NAALADL2: variants seen among roughly 807,000 people sequenced by gnomAD.
NAALADL2 encodes N-acetylated alpha-linked acidic dipeptidase like 2.
NAALADL2 carries 76 observed loss-of-function variants against 87.2 expected under a neutral mutation model. The observed-to-expected ratio is 0.87, with a 90% CI of 0.72 to 1.05. The LOEUF is 1.05. Among genes scored for constraint, NAALADL2 ranks in the 50% least tolerant of loss-of-function variants. The pLI, the probability that NAALADL2 is intolerant of heterozygous loss-of-function variation, is 0.00. For synonymous variants in NAALADL2, 354 were observed against 331.0 expected, an observed-to-expected ratio of 1.07 and a Z score of -0.75; for missense variants, 1,089 against 945.8, an observed-to-expected ratio of 1.15 and a Z score of -1.99.
chr3:175,471,829 G>A, intron 9 of NAALADL2, 71 bp downstream of exon 9: 1 of 1,300,498 alleles, frequency 7.7e-7, no homozygotes, highest in Middle Eastern at 1.8e-4. Context: ...GACATTTCTT[G>A]ATTTTTTCAT....
At chr3:175,663,288 G>A (rs1016481667) in intron 11 of NAALADL2, among the ~76,000 whole-genome samples, 1 of 151,556 alleles carries the variant, frequency 6.6e-6, no homozygotes, top group Non-Finnish European at 1.5e-5. Context: ...GATTTTATGT[G>A]TCCAGGAATT....
In NAALADL2 at chr3:174,860,467, G is replaced by A. The variant is rs144393992; in HGVS notation, c.43+1017G>A. On this transcript the variant is annotated intron_variant, in intron 1 of 13. Coordinates refer to ENST00000454872, the MANE Select transcript of NAALADL2 (RefSeq NM_207015.3). The stretch of plus-strand genomic sequence containing the variant: ...AGGTAAAAGGCTCATTTAGCATAAT[G>A]AGAATCATTTATTTCTATGTGTCTT... Among the ~76,000 whole-genome samples the A allele has an allele frequency of 2.0e-5, 3 of 152,016 alleles. No individual in the cohort carries two copies. In the East Asian group the frequency reaches 5.8e-4, roughly 29 times the overall value.
At chr3:175,737,273 T>C in intron 11 of NAALADL2, 33 bp from the exon 12 acceptor site, 2 of 1,218,950 alleles carry the variant, frequency 1.6e-6, no homozygotes, top group Non-Finnish European at 2.4e-6. Context: ...AATTACTGAA[T>C]GCTAGTATTT....
At chr3:175,557,405 A>G (rs1031335726) in intron 9 of NAALADL2, among the ~76,000 whole-genome samples, 2 of 152,192 alleles carry the variant, frequency 1.3e-5, no homozygotes, top group African/African-American at 4.8e-5. Flanking sequence ...ACACAATCCA[A>G]TTAAACTCTT....
chr3:174,847,783 T>A (rs1724797306), intron 3 of NAALADL2, among the ~76,000 whole-genome samples: 1 of 148,894 alleles, frequency 6.7e-6, no homozygotes, highest in African/African-American at 2.5e-5. Context: ...ATGCAATAAG[T>A]GCCCATCAGA....
chr3:174,877,369 A>G (rs1728639246), intron 1 of NAALADL2, among the ~76,000 whole-genome samples: 1 of 152,092 alleles, frequency 6.6e-6, no homozygotes, highest in Admixed American at 6.6e-5. Flanking sequence ...TCCTTCCGTT[A>G]TCTTTAATTG....
At chr3:174,706,638 T>G (rs1372233982) in intron 2 of NAALADL2, among the ~76,000 whole-genome samples, 3 of 152,216 alleles carry the variant, frequency 2.0e-5, no homozygotes, top group Non-Finnish European at 4.4e-5. Flanking sequence ...CTCTTTAGTT[T>G]AATTAGATCC....
At chr3:175,169,610 T>C (rs1734497115) in intron 2 of NAALADL2, among the ~76,000 whole-genome samples, 1 of 151,830 alleles carries the variant, frequency 6.6e-6, no homozygotes, top group South Asian at 2.1e-4. Flanking sequence ...TAGTTCTTTT[T>C]TTCCAATTCT....
intron 12 of NAALADL2, among the ~76,000 whole-genome samples, chr3:175,740,103 A>C (rs1745035780): frequency 6.6e-6 from 1 of 152,170 alleles, no homozygotes; most frequent in Non-Finnish European, 1.5e-5. Flanking sequence ...ATAGGAGGAG[A>C]CCAAGGAGGA....
intron 2 of NAALADL2, among the ~76,000 whole-genome samples, chr3:175,169,785 C>A (rs1397541102): frequency 6.6e-6 from 1 of 151,706 alleles, no homozygotes; most frequent in African/African-American, 2.4e-5. Flanking sequence ...GAGGGCTATT[C>A]TATTGATTTG....
intron 11 of NAALADL2, chr3:175,718,194 G>GTTTTTTTTTT: frequency 2.9e-6 from 3 of 1,034,870 alleles, no homozygotes; most frequent in Non-Finnish European, 4.0e-6. Flanking sequence ...AAGGGCCTGT[G>GTTTTTTTTTT]GTTTTTTTTT....
At chr3:174,748,330 T>TC (rs962893669) in intron 3 of NAALADL2, among the ~76,000 whole-genome samples, 8 of 135,194 alleles carry the variant, frequency 5.9e-5, no homozygotes, top group Admixed American at 1.5e-4. Context: ...AATTACATTT[T>TC]TTTTTTTTTT....
At chr3:174,682,092 C>G (rs1727598707) in intron 2 of NAALADL2, among the ~76,000 whole-genome samples, 1 of 152,154 alleles carries the variant, frequency 6.6e-6, no homozygotes, top group African/African-American at 2.4e-5. Context: ...GCCCACAGCT[C>G]TGGGAGAGAT....
At chr3:174,939,856 G>A (rs886149983) in intron 1 of NAALADL2, among the ~76,000 whole-genome samples, 10 of 151,970 alleles carry the variant, frequency 6.6e-5, no homozygotes, top group African/African-American at 1.9e-4. Flanking sequence ...CATTGATTTG[G>A]TATCTTAAAA....
At position 175,541,387 on chromosome 3, in the gene NAALADL2, TAGC is replaced by T. The variant is rs570490596; in HGVS notation, c.1654-34653_1654-34651del. On this transcript the variant is annotated intron_variant, in intron 9 of 13. Coordinates refer to ENST00000454872, the MANE Select transcript of NAALADL2 (RefSeq NM_207015.3). Reference sequence around the variant, plus strand: ...ACCTTTCAAACATCATAGCTTAACCTAGCCTACCTTAAAGGTGCTCAAAACACA... The same window carrying T: ...ACCTTTCAAACATCATAGCTTAACCTCTACCTTAAAGGTGCTCAAAACACA... 3.3e-5 allele frequency among the ~76,000 whole-genome samples: 5 copies of T among 152,338 alleles called. No individual in the cohort carries two copies. In the East Asian group the frequency reaches 9.6e-4, roughly 29 times the overall value.
At position 175,787,365 on chromosome 3, in the gene NAALADL2, C is replaced by T. The variant is rs1005748544; in HGVS notation, c.2190-15640C>T. Reference sequence around the variant, plus strand: ...ACTGCTGTGCTAGCAATCAGTGAGACTCCGTGGGCGTAGGACCCTCCGAGC... The same window carrying T: ...ACTGCTGTGCTAGCAATCAGTGAGATTCCGTGGGCGTAGGACCCTCCGAGC... On this transcript the variant is annotated intron_variant, in intron 13 of 13. Coordinates refer to ENST00000454872, the MANE Select transcript of NAALADL2 (RefSeq NM_207015.3). 3.4e-4 allele frequency among the ~76,000 whole-genome samples: 51 copies of T among 152,192 alleles called. 1 individual carries two copies. Among genetic ancestry groups the T allele is most frequent in the Non-Finnish European group, 8.8e-5 (6 of 68,040 alleles).
chr3:175,354,169 G>C (rs952948688), intron 5 of NAALADL2, among the ~76,000 whole-genome samples: 5 of 152,100 alleles, frequency 3.3e-5, no homozygotes, highest in African/African-American at 9.7e-5. Flanking sequence ...TATCAAACAA[G>C]AAGAGCAGTA....
At chr3:175,507,225 C>T (rs1730465029) in intron 9 of NAALADL2, among the ~76,000 whole-genome samples, 2 of 152,042 alleles carry the variant, frequency 1.3e-5, no homozygotes. Context: ...AGTTGTTTTA[C>T]TAACAGTGCC....
intron 1 of NAALADL2, among the ~76,000 whole-genome samples, chr3:174,454,464 T>A (rs1290649306): frequency 6.6e-6 from 1 of 152,082 alleles, no homozygotes; most frequent in Non-Finnish European, 1.5e-5. Context: ...TTACACATAC[T>A]CTAAAGTCGA....
Sources: gnomAD v4.1 joint callset for allele counts (sites outside exome capture counted in the v4.1 genomes callset) on GRCh38, gnomAD v4.1.1 for gene constraint, MANE v1.5 for transcripts, NCBI Gene and HGNC (gene_info 2026-07-23, HGNC 2026-07-21) for gene names.